EXOC5: variants seen among roughly 807,000 people sequenced by gnomAD.
EXOC5 encodes the protein exocyst complex component 5.
Under a neutral mutation model 90.8 loss-of-function variants are expected in EXOC5, and 17 were observed. The observed-to-expected ratio is 0.19, with a 90% CI of 0.13 to 0.28. The LOEUF (loss-of-function observed/expected upper bound fraction) is 0.28, where lower values mean the gene tolerates loss of function less well. Among genes scored for constraint, EXOC5 ranks in the 10% least tolerant of loss-of-function variants. The pLI, the probability that EXOC5 is intolerant of heterozygous loss-of-function variation, is 1.00. For missense variants in EXOC5, 569 were observed against 830.6 expected (o/e 0.69, Z 3.87); for synonymous variants, 260 against 270.0 (o/e 0.96, Z 0.36).
At chr14:57,229,392 C>A (rs1055719353) in intron 12 of EXOC5, among the ~76,000 whole-genome samples, 2 of 151,964 alleles carry the variant, frequency 1.3e-5, no homozygotes, top group African/African-American at 4.8e-5. Context: ...TCAGCAGATT[C>A]AACCAGCCAC....
chr14:57,212,860 T>C (rs1175483085), intron 15 of EXOC5, among the ~76,000 whole-genome samples: 2 of 152,172 alleles, frequency 1.3e-5, no homozygotes, highest in African/African-American at 4.8e-5. Context: ...TAAGTAGCAA[T>C]GTATTCATTG....
chr14:57,228,019 C>G (rs1040944140), intron 12 of EXOC5, among the ~76,000 whole-genome samples: 1 of 151,606 alleles, frequency 6.6e-6, no homozygotes, highest in Admixed American at 6.6e-5. Context: ...CATACACACA[C>G]ACACACACAC....
chr14:57,227,481 TATG>T (rs879609257), intron 12 of EXOC5, among the ~76,000 whole-genome samples: 3 of 152,202 alleles, frequency 2.0e-5, no homozygotes, highest in South Asian at 2.1e-4. Flanking sequence ...AAAATGCTGT[TATG>T]ATGTTATACA....
intron 12 of EXOC5, 55 bp from the exon 13 acceptor site, chr14:57,222,471 C>A (rs1883174377): frequency 1.0e-6 from 1 of 1,002,502 alleles, no homozygotes; most frequent in Non-Finnish European, 1.5e-6. Context: ...TTGAAAATGC[C>A]AATTTTTTTT....
chr14:57,255,957 T>A (rs1015836235), intron 1 of EXOC5, among the ~76,000 whole-genome samples: 4 of 151,938 alleles, frequency 2.6e-5, no homozygotes, highest in African/African-American at 9.7e-5. Flanking sequence ...CAACAAGAGG[T>A]AAAAGCAGAA....
intron 1 of EXOC5, among the ~76,000 whole-genome samples, chr14:57,265,520 C>G (rs999646553): frequency 1.3e-5 from 2 of 152,056 alleles, no homozygotes; most frequent in Admixed American, 1.3e-4. Flanking sequence ...CCCAGGAGAT[C>G]AAGACCAGCC....
chr14:57,262,551 T>A (rs1884533325), intron 1 of EXOC5, among the ~76,000 whole-genome samples: 2 of 147,434 alleles, frequency 1.4e-5, no homozygotes, highest in Non-Finnish European at 3.0e-5. Context: ...TGTGTGTGTG[T>A]GTGTGTGTGT....
chr14:57,236,071 C>T (rs1229435903), intron 6 of EXOC5, among the ~76,000 whole-genome samples: 1 of 151,970 alleles, frequency 6.6e-6, no homozygotes, highest in Admixed American at 6.6e-5. Flanking sequence ...CTGTCATATG[C>T]CATTGTTACT....
At chr14:57,233,676 T>C in intron 9 of EXOC5, 67 bp downstream of exon 9, 1 of 1,016,914 alleles carries the variant, frequency 9.8e-7, no homozygotes, top group Non-Finnish European at 1.4e-6. Context: ...AAAAATACTT[T>C]TAAAATATAG....
chr14:57,231,444 C>G (rs1883483528), intron 11 of EXOC5, 62 bp downstream of exon 11: 2 of 1,143,654 alleles, frequency 1.7e-6, no homozygotes, highest in Admixed American at 5.2e-5. Flanking sequence ...ATAATTTGCC[C>G]AAATATAATG....
intron 2 of EXOC5, 123 bp downstream of exon 2, chr14:57,247,495 T>C (rs1229239668): frequency 2.1e-6 from 1 of 472,586 alleles, no homozygotes; most frequent in African/African-American, 2.0e-5. Flanking sequence ...TTGTCTTTTA[T>C]TGGCCAAATG....
chr14:57,254,161 G>A (rs576715638), intron 1 of EXOC5, among the ~76,000 whole-genome samples: 3 of 152,262 alleles, frequency 2.0e-5, no homozygotes, highest in Admixed American at 1.3e-4. Flanking sequence ...CTGGCTGGGC[G>A]CAGTGGCTCA....
intron 5 of EXOC5, among the ~76,000 whole-genome samples, chr14:57,239,042 A>C (rs1883771553): frequency 6.6e-6 from 1 of 152,038 alleles, no homozygotes; most frequent in Admixed American, 6.6e-5. Context: ...GGGGCCTTGC[A>C]TTTTAAAAAA....
In EXOC5 at chr14:57,238,385, C is replaced by T. The variant is rs1179338382; in HGVS notation, c.531-1019G>A. ...ATATATATATATATATACACACACA[C>T]ACACACACACACACACACACACACA... On this transcript the variant is annotated intron_variant, in intron 5 of 17. Transcript: ENST00000621441. Among the ~76,000 whole-genome samples the T allele has an allele frequency of 5.8e-4, 84 of 145,360 alleles. 1 individual carries two copies. The highest frequency in any genetic ancestry group is 1.0e-3 in the Non-Finnish European group (66 of 65,858).
At position 57,200,927 on chromosome 14, in the gene EXOC5, T is replaced by C. The variant is rs1594638076; in HGVS notation, c.*7682A>G. On this transcript the variant is annotated 3_prime_UTR_variant, in exon 18 of 18. Coordinates refer to ENST00000621441, the MANE Select transcript of EXOC5 (RefSeq NM_006544.4). ...CTTCAAGAGCTATGTGAGATGAGGATGGTCTCCTCCAGAGAGAGGGGAAGC... is the reference window on the plus strand; with the variant it reads ...CTTCAAGAGCTATGTGAGATGAGGACGGTCTCCTCCAGAGAGAGGGGAAGC... 6.6e-6 allele frequency: 1 copy of C among 152,168 alleles called. No homozygotes were observed. Among genetic ancestry groups the C allele is most frequent in the South Asian group, 2.1e-4 (1 of 4,832 alleles). The allele number at this position is 152,168 out of a possible 1,614,324, so 9.4% of individuals were successfully genotyped here. A position where few individuals can be genotyped will look rare whatever the true frequency, so the allele number is the denominator to read the frequency against.
chr14:57,240,879 G>C (rs770704466), intron 4 of EXOC5, among the ~76,000 whole-genome samples: 3 of 152,010 alleles, frequency 2.0e-5, no homozygotes, highest in Non-Finnish European at 4.4e-5. Context: ...TTGAGACAGA[G>C]TCTTGCTCGG....
At chr14:57,209,358 G>GA (rs1156573749) in intron 17 of EXOC5, among the ~76,000 whole-genome samples, 3 of 148,214 alleles carry the variant, frequency 2.0e-5, no homozygotes, top group Non-Finnish European at 4.5e-5. Context: ...AAACTCTTTG[G>GA]AAAAAAAATA....
intron 1 of EXOC5, among the ~76,000 whole-genome samples, chr14:57,264,911 T>C (rs1461748899): frequency 2.0e-5 from 3 of 152,204 alleles, no homozygotes; most frequent in South Asian, 4.1e-4. Flanking sequence ...GGACAAGTTC[T>C]ATACTTAATT....
intron 12 of EXOC5, among the ~76,000 whole-genome samples, chr14:57,226,545 A>G (rs1883313989): frequency 6.6e-6 from 1 of 152,320 alleles, no homozygotes; most frequent in Non-Finnish European, 1.5e-5. Flanking sequence ...ATACAAAATG[A>G]TTTATATAAA....
Sources: gnomAD v4.1 joint callset for allele counts (sites outside exome capture counted in the v4.1 genomes callset) on GRCh38, gnomAD v4.1.1 for gene constraint, MANE v1.5 for transcripts, NCBI Gene and HGNC (gene_info 2026-07-23, HGNC 2026-07-21) for gene names.